Variants in ITGBL1 observed in about 807,000 individuals in gnomAD.
ITGBL1 encodes integrin beta-like protein 1.
A neutral mutation model predicts 68.5 loss-of-function variants in ITGBL1; 51 were observed. That is an observed-to-expected ratio of 0.74 (90% CI 0.59 to 0.94). The LOEUF (loss-of-function observed/expected upper bound fraction) is 0.94. Ranked by LOEUF, ITGBL1 falls within the 40% of genes least tolerant of loss-of-function variation. ITGBL1 has a pLI of 0.00. For missense variants in ITGBL1, 649 were observed against 647.4 expected, an observed-to-expected ratio of 1.00 and a Z score of -0.03; for synonymous variants, 209 against 227.3, an observed-to-expected ratio of 0.92 and a Z score of 0.72.
rs373490956 is a variant in ITGBL1, at chr13:101,599,938, A to G, written c.1015+1639A>G. Among the ~76,000 whole-genome samples the G allele has an allele frequency of 1.0e-3, 154 of 152,250 alleles. 4 individuals are homozygous for G. The East Asian group carries it at 0.025, about 25-fold the overall frequency. On this transcript the variant is annotated intron_variant, in intron 7 of 10. Coordinates refer to ENST00000376180, the MANE Select transcript of ITGBL1 (RefSeq NM_004791.3). The stretch of plus-strand genomic sequence containing the variant: ...AATGTGGGCTCTTTTTTGGTTCCAT[A>G]TGAACTTTAAAGTAGTTTTTTCCAA...
chr13:101,579,948 T>A (rs960741641), intron 5 of ITGBL1, among the ~76,000 whole-genome samples: 7 of 152,190 alleles, frequency 4.6e-5, no homozygotes, highest in African/African-American at 1.7e-4. Context: ...ATGTATCCAA[T>A]AGCCATAGGA....
chr13:101,634,205 T>G (rs1304371714), intron 7 of ITGBL1, among the ~76,000 whole-genome samples: 2 of 152,222 alleles, frequency 1.3e-5, no homozygotes, highest in East Asian at 3.8e-4. Flanking sequence ...TAAAAATTTC[T>G]ACTCTGCAAA....
At chr13:101,668,218 T>C (rs1566783270) in intron 7 of ITGBL1, among the ~76,000 whole-genome samples, 1 of 152,072 alleles carries the variant, frequency 6.6e-6, no homozygotes, top group African/African-American at 2.4e-5. Context: ...TGAAAACCTG[T>C]CTCTACTAAA....
intron 7 of ITGBL1, among the ~76,000 whole-genome samples, chr13:101,606,856 A>G (rs1391519943): frequency 6.6e-6 from 1 of 152,052 alleles, no homozygotes; most frequent in Admixed American, 6.6e-5. Context: ...GTGTTCTTGC[A>G]GGAGAATCCC....
chr13:101,586,793 C>T (rs972519824), intron 6 of ITGBL1, among the ~76,000 whole-genome samples: 3 of 152,090 alleles, frequency 2.0e-5, no homozygotes, highest in Non-Finnish European at 2.9e-5. Context: ...AGACATCAAC[C>T]TCTGCAGTAT....
At chr13:101,673,096 G>T (rs1353134363) in intron 7 of ITGBL1, among the ~76,000 whole-genome samples, 2 of 152,192 alleles carry the variant, frequency 1.3e-5, no homozygotes, top group Non-Finnish European at 2.9e-5. Flanking sequence ...GTGAGAAGTT[G>T]ACAATTTCAT....
chr13:101,597,022 T>G (rs986320573), intron 6 of ITGBL1, among the ~76,000 whole-genome samples: 34 of 152,150 alleles, frequency 2.2e-4, no homozygotes, highest in African/African-American at 8.0e-4. Context: ...TTACTCACAC[T>G]CATACAATGT....
intron 8 of ITGBL1, 169 bp downstream of exon 8, chr13:101,692,870 A>G: frequency 1.6e-6 from 1 of 612,114 alleles, no homozygotes; most frequent in Non-Finnish European, 2.9e-6. Context: ...AATGACTTTT[A>G]TTTCCCTGAA....
chr13:101,719,299 T>A (rs999726333), downstream of ITGBL1: 1 of 152,092 alleles, frequency 6.6e-6, no homozygotes, highest in African/African-American at 2.4e-5. Context: ...TGGCTAGGTA[T>A]GATAAAGAAC....
At chr13:101,627,923 T>A (rs2031841483) in intron 7 of ITGBL1, among the ~76,000 whole-genome samples, 1 of 152,202 alleles carries the variant, frequency 6.6e-6, no homozygotes, top group South Asian at 2.1e-4. Context: ...GTTTGCAGGT[T>A]TTCATGTGGA....
intron 7 of ITGBL1, among the ~76,000 whole-genome samples, chr13:101,646,282 C>T (rs1293735482): frequency 6.6e-6 from 1 of 151,668 alleles, no homozygotes; most frequent in Non-Finnish European, 1.5e-5. Context: ...TGAGAGCCAC[C>T]AGGTGTAATT....
chr13:101,527,555 G>A (rs1012046126), intron 2 of ITGBL1, among the ~76,000 whole-genome samples: 1 of 152,042 alleles, frequency 6.6e-6, no homozygotes, highest in African/African-American at 2.4e-5. Context: ...ATGTAGGCAT[G>A]TGTTTTGTTT....
chr13:101,661,984 C>A (rs72659171), intron 7 of ITGBL1, among the ~76,000 whole-genome samples: 25,100 of 152,080 alleles, frequency 0.17, 2,680 homozygotes, highest in Admixed American at 0.26. Flanking sequence ...AAAGATAATT[C>A]AAGACAAAAG....
chr13:101,649,311 G>A (rs1441111475), intron 7 of ITGBL1, among the ~76,000 whole-genome samples: 1 of 152,138 alleles, frequency 6.6e-6, no homozygotes, highest in South Asian at 2.1e-4. Context: ...TATTTGTGAG[G>A]AGGAAGTACA....
Position 101,463,887 on chromosome 13 carries a change from A to G in ITGBL1, c.316+9787A>G, listed in dbSNP as rs1161287180. On this transcript the variant is annotated intron_variant, in intron 2 of 10. Transcript: ENST00000376180. ...AAGAATGCAAACTACTGAAGATTGAATAGGAGTCATTCTAGTTCTTTTTTT... is the reference window on the plus strand; with the variant it reads ...AAGAATGCAAACTACTGAAGATTGAGTAGGAGTCATTCTAGTTCTTTTTTT... 2.0e-5 allele frequency among the ~76,000 whole-genome samples: 3 copies of G among 151,606 alleles called. No homozygotes were observed. The East Asian group carries it at 5.8e-4, about 29-fold the overall frequency.
intron 8 of ITGBL1, among the ~76,000 whole-genome samples, chr13:101,704,235 G>C (rs1253748864): frequency 6.6e-6 from 1 of 152,062 alleles, no homozygotes; most frequent in East Asian, 1.9e-4. Flanking sequence ...TGTTCCACCA[G>C]GGTCTATGGG....
rs766290923 is a variant in ITGBL1 at position 101,715,891 on chromosome 13, G to A, written c.*237G>A. ...ATAATTAACATAAGTGGTTCCTAAC[G>A]AGAGCAATTTTTCCACCCAAAAGTC... On this transcript the variant is annotated 3_prime_UTR_variant, in exon 11 of 11. Coordinates refer to ENST00000376180, the MANE Select transcript of ITGBL1 (RefSeq NM_004791.3). 7.4e-5 allele frequency: 31 copies of A among 416,712 alleles called. No individual in the cohort carries two copies. Among genetic ancestry groups the A allele is most frequent in the Non-Finnish European group, 1.1e-4 (24 of 228,054 alleles). 25.8% of individuals were successfully genotyped at this position (416,712 alleles called of 1,614,324 possible).
chr13:101,476,802 G>A (rs1254947072), intron 2 of ITGBL1, among the ~76,000 whole-genome samples: 1 of 152,074 alleles, frequency 6.6e-6, no homozygotes, highest in Non-Finnish European at 1.5e-5. Context: ...GTTATAGCAA[G>A]TGTAAATATA....
chr13:101,669,113 TAAAAA>T (rs140112067), intron 7 of ITGBL1, among the ~76,000 whole-genome samples: 23 of 147,998 alleles, frequency 1.6e-4, no homozygotes, highest in Non-Finnish European at 3.0e-4. Context: ...CCTTTTTCGT[TAAAAA>T]AAAAAGTATA....
Sources: gnomAD v4.1 joint callset for allele counts (sites outside exome capture counted in the v4.1 genomes callset) on GRCh38, gnomAD v4.1.1 for gene constraint, MANE v1.5 for transcripts, NCBI Gene and HGNC (gene_info 2026-07-23, HGNC 2026-07-21) for gene names.